CAMTA1: variants seen among roughly 807,000 people sequenced by gnomAD.
CAMTA1 encodes the protein calmodulin binding transcription activator 1.
In CAMTA1, 27 loss-of-function variants were observed where a neutral mutation model predicts 170.9. The observed-to-expected ratio is 0.16, with a 90% CI of 0.12 to 0.22. The LOEUF (loss-of-function observed/expected upper bound fraction) is 0.22, where lower values mean the gene tolerates loss of function less well. Ranked by LOEUF, CAMTA1 falls within the 10% of genes least tolerant of loss-of-function variation. CAMTA1 has a pLI of 1.00. For missense variants in CAMTA1, 1,619 were observed against 2,217.2 expected (o/e 0.73, Z 5.42); for synonymous variants, 833 against 891.5 (o/e 0.93, Z 1.17).
At chr1:6,995,120 A>T (rs1053824614) in intron 3 of CAMTA1, among the ~76,000 whole-genome samples, 23 of 151,782 alleles carry the variant, frequency 1.5e-4, no homozygotes, top group Non-Finnish European at 2.6e-4. Flanking sequence ...TTGTTTTTTT[A>T]AAAAAATAAA....
rs2096854165 is a variant in CAMTA1 at position 7,745,927 on chromosome 1, G to A, written c.4453G>A (p.Glu1485Lys). The A allele has an allele frequency of 2.5e-6, 4 of 1,614,112 alleles. No homozygotes were observed. Among genetic ancestry groups the A allele is most frequent in the African/African-American group, 1.3e-5 (1 of 75,018 alleles). ...CTCTCCCGTCAGTGAAATCGCTTTC[G>A]AGAAACCTAACCTTCCCTCCGCCGC... ...VGSPVSEIAF[E>K]KPNLPSAADW... Residue 1485 changes from glutamate to lysine, a missense_variant, in exon 18 of 23, where the codon GAG becomes AAG. Physicochemically the swap from Glu to Lys is moderately conservative, Grantham distance 56. Transcript: ENST00000303635.
At chr1:7,466,268 C>T (rs1279469117) in intron 5 of CAMTA1, among the ~76,000 whole-genome samples, 1 of 152,206 alleles carries the variant, frequency 6.6e-6, no homozygotes, top group African/African-American at 2.4e-5. Flanking sequence ...ATATTGCTTT[C>T]TTAATAATAA....
At chr1:6,938,377 G>A (rs1685826684) in intron 3 of CAMTA1, among the ~76,000 whole-genome samples, 1 of 152,164 alleles carries the variant, frequency 6.6e-6, no homozygotes, top group Non-Finnish European at 1.5e-5. Context: ...AGGCGCTGCA[G>A]AGAGCTGGCC....
chr1:7,704,103 C>T (rs1182258810), intron 11 of CAMTA1, among the ~76,000 whole-genome samples: 1 of 151,734 alleles, frequency 6.6e-6, no homozygotes, highest in African/African-American at 2.4e-5. Context: ...AGCCTGGCCC[C>T]CACGCCTCCC....
At chr1:6,886,363 T>G (rs1348614698) in intron 3 of CAMTA1, 1 of 437,686 alleles carries the variant, frequency 2.3e-6, no homozygotes, top group East Asian at 7.0e-5. Flanking sequence ...GACATTTGAT[T>G]GCCTTGAAAT....
intron 3 of CAMTA1, among the ~76,000 whole-genome samples, chr1:6,865,854 C>T (rs1473756927): frequency 1.3e-5 from 2 of 152,156 alleles, no homozygotes; most frequent in Admixed American, 6.5e-5. Context: ...GGTTCAAGGA[C>T]GGCGTGATTT....
At chr1:7,422,285 GA>G (rs2091614264) in intron 5 of CAMTA1, among the ~76,000 whole-genome samples, 1 of 152,126 alleles carries the variant, frequency 6.6e-6, no homozygotes, top group Non-Finnish European at 1.5e-5. Flanking sequence ...AGTGATGCAA[GA>G]GGCTCAGAGG....
At chr1:7,241,549 T>G (rs911274820) in intron 4 of CAMTA1, among the ~76,000 whole-genome samples, 11 of 152,222 alleles carry the variant, frequency 7.2e-5, no homozygotes, top group African/African-American at 2.7e-4. Flanking sequence ...ATTTCAAAAC[T>G]TATTATAAAG....
intron 3 of CAMTA1, among the ~76,000 whole-genome samples, chr1:7,086,465 C>A (rs530212533): frequency 1.3e-5 from 2 of 151,970 alleles, no homozygotes; most frequent in Non-Finnish European, 2.9e-5. Flanking sequence ...TAAAATTTAC[C>A]ATCAGTGGTC....
At position 7,299,245 on chromosome 1, in the gene CAMTA1, A is replaced by G. The variant is rs1557468348; in HGVS notation, c.438+49619A>G. 6.6e-6 allele frequency among the ~76,000 whole-genome samples: 1 copy of G among 152,254 alleles called. No homozygotes were observed. The highest frequency in any genetic ancestry group is 1.5e-5 in the Non-Finnish European group (1 of 68,038). ...TTACTTCTTCATAATAAAATCGTAT[A>G]TGAAACAATGACTTGATTTCTTTAT... On this transcript the variant is annotated intron_variant, in intron 5 of 22. Transcript: ENST00000303635. This position sits in a 1 kb window ranked among gnomAD's most constrained non-coding sequence, Gnocchi z 4.7.
chr1:7,624,524 C>G (rs2095620451), intron 6 of CAMTA1, among the ~76,000 whole-genome samples: 1 of 152,226 alleles, frequency 6.6e-6, no homozygotes, highest in Non-Finnish European at 1.5e-5. Context: ...ATGTCCTTCA[C>G]TCTGCCTTGG....
chr1:7,719,042 G>A (rs142089577), intron 11 of CAMTA1, among the ~76,000 whole-genome samples: 4 of 152,230 alleles, frequency 2.6e-5, no homozygotes, highest in Admixed American at 2.0e-4. Flanking sequence ...AAAGTTAGCC[G>A]ACTTTAAGAT....
chr1:6,873,428 C>T (rs1220188216), intron 3 of CAMTA1, among the ~76,000 whole-genome samples: 2 of 152,064 alleles, frequency 1.3e-5, no homozygotes, highest in Admixed American at 1.3e-4. Flanking sequence ...ATGTGGGGGG[C>T]CATGACTGCT....
chr1:7,104,283 C>T (rs200996061), intron 4 of CAMTA1, among the ~76,000 whole-genome samples: 1 of 151,748 alleles, frequency 6.6e-6, no homozygotes, highest in East Asian at 1.9e-4. Flanking sequence ...GCACACAAAA[C>T]AAATATTCAA....
chr1:6,859,906 A>C (rs1386161378), intron 3 of CAMTA1, among the ~76,000 whole-genome samples: 1 of 152,222 alleles, frequency 6.6e-6, no homozygotes, highest in Non-Finnish European at 1.5e-5. Flanking sequence ...AGTCTTTTAA[A>C]TCCTTTCTCA....
chr1:7,562,027 C>T lies in CAMTA1; in HGVS notation c.511-78373C>T, dbSNP rs1557919903. ...TGAGGCTTTCTGCAGACTTTGTCCC[C>T]ATCGAAGGGTCGTGGCCAAGATGGT... On this transcript the variant is annotated intron_variant, in intron 6 of 22. Coordinates refer to ENST00000303635, the MANE Select transcript of CAMTA1 (RefSeq NM_015215.4). This position sits in a 1 kb window ranked among gnomAD's most constrained non-coding sequence, Gnocchi z 4.8. Among the ~76,000 whole-genome samples, 1 of 152,142 alleles carries T rather than the reference C, an allele frequency of 6.6e-6. No individual in the cohort carries two copies. The highest frequency in any genetic ancestry group is 2.4e-5 in the African/African-American group (1 of 41,432).
chr1:7,544,875 G>A (rs2094669213), intron 6 of CAMTA1, among the ~76,000 whole-genome samples: 1 of 152,134 alleles, frequency 6.6e-6, no homozygotes, highest in African/African-American at 2.4e-5. Flanking sequence ...TTTCTCCGGA[G>A]CTATTTCATT....
At chr1:7,024,058 GAAAGAAAC>G (rs1409640614) in intron 3 of CAMTA1, among the ~76,000 whole-genome samples, 230 of 150,032 alleles carry the variant, frequency 1.5e-3, no homozygotes, top group African/African-American at 5.3e-3. Flanking sequence ...AAGAAAGAAA[GAAAGAAAC>G]AAATAGTTAA....
rs191432332 is a variant in CAMTA1 at position 7,695,071 on chromosome 1, G to C, written c.2914+17338G>C. 1.6e-4 allele frequency among the ~76,000 whole-genome samples: 25 copies of C among 152,314 alleles called. No homozygotes were observed. The South Asian group carries it at 4.4e-3, about 27-fold the overall frequency. On this transcript the variant is annotated intron_variant, in intron 11 of 22. Coordinates refer to ENST00000303635, the MANE Select transcript of CAMTA1 (RefSeq NM_015215.4). ...TGTTTATTATGACATCAGAAGGTCT[G>C]GTCTGGGTCACCCAGGAGAGCTAAA...
Sources: allele counts gnomAD v4.1 joint callset (sites outside exome capture counted in the v4.1 genomes callset), GRCh38; gene constraint gnomAD v4.1.1; non-coding constraint Gnocchi (gnomAD v3.1); transcripts MANE v1.5; gene names NCBI Gene and HGNC (gene_info 2026-07-23, HGNC 2026-07-21).